Variants in TAOK3 observed in about 807,000 individuals in gnomAD.
The protein encoded by TAOK3 is TAO kinase 3.
Under a neutral mutation model 120.4 loss-of-function variants are expected in TAOK3, and 40 were observed. That is an observed-to-expected ratio of 0.33 (90% CI 0.26 to 0.43). The LOEUF is 0.43. TAOK3 is among the 20% of genes least tolerant of loss of function. The pLI, the probability that TAOK3 is intolerant of heterozygous loss-of-function variation, is 1.00. For synonymous variants in TAOK3, 355 were observed against 387.5 expected (o/e 0.92, Z 0.99); for missense variants, 821 against 1,112.1 (o/e 0.74, Z 3.72).
intron 20 of TAOK3, among the ~76,000 whole-genome samples, chr12:118,151,804 T>C (rs2034463846): frequency 6.6e-6 from 1 of 152,352 alleles, no homozygotes; most frequent in Non-Finnish European, 1.5e-5. Context: ...ATCATCATTT[T>C]AATTTTTTTT....
At chr12:118,277,710 C>G (rs1310703272) in intron 1 of TAOK3, among the ~76,000 whole-genome samples, 1 of 152,030 alleles carries the variant, frequency 6.6e-6, no homozygotes, top group Admixed American at 6.6e-5. Context: ...CCACCCACCC[C>G]GATCTCCCAA....
chr12:118,151,285 G>GCACACACA (rs1555282496), intron 20 of TAOK3, 127 bp from the exon 21 acceptor site: 3 of 612,444 alleles, frequency 4.9e-6, no homozygotes, highest in East Asian at 3.2e-5. Flanking sequence ...AAGTGCGCGC[G>GCACACACA]CGCGCACACA....
At chr12:118,370,292 A>G (rs2045861469) in intron 1 of TAOK3, among the ~76,000 whole-genome samples, 1 of 152,178 alleles carries the variant, frequency 6.6e-6, no homozygotes, top group Non-Finnish European at 1.5e-5. Flanking sequence ...TCTACTTATT[A>G]TTACCCTGAT....
intron 2 of TAOK3, among the ~76,000 whole-genome samples, chr12:118,263,073 G>A (rs1039778434): frequency 6.6e-6 from 1 of 152,054 alleles, no homozygotes; most frequent in African/African-American, 2.4e-5. Context: ...TGGAGAGCTA[G>A]CATAAAATAA....
chr12:118,303,528 G>A (rs1348920519), intron 1 of TAOK3, among the ~76,000 whole-genome samples: 2 of 152,120 alleles, frequency 1.3e-5, no homozygotes, highest in African/African-American at 4.8e-5. Context: ...CACTGTTTTC[G>A]CCATGTTAAC....
chr12:118,350,862 A>C (rs1471773501), intron 1 of TAOK3, among the ~76,000 whole-genome samples: 4 of 122,204 alleles, frequency 3.3e-5, no homozygotes, highest in Non-Finnish European at 6.2e-5. Context: ...CTCCGTCTCA[A>C]AAAAAAAAAA....
intron 1 of TAOK3, among the ~76,000 whole-genome samples, chr12:118,339,957 G>A (rs1215378899): frequency 1.3e-5 from 2 of 152,090 alleles, no homozygotes; most frequent in Non-Finnish European, 2.9e-5. Flanking sequence ...AATCTTGCAT[G>A]TTGTCAAATT....
At chr12:118,364,726 G>C (rs559765) in intron 1 of TAOK3, among the ~76,000 whole-genome samples, 211 of 152,106 alleles carry the variant, frequency 1.4e-3, no homozygotes, top group Non-Finnish European at 2.3e-3. Context: ...TGGCCAACAC[G>C]GTGAAATCCC....
intron 15 of TAOK3, among the ~76,000 whole-genome samples, chr12:118,178,062 T>A (rs1323273504): frequency 6.6e-6 from 1 of 152,042 alleles, no homozygotes; most frequent in African/African-American, 2.4e-5. Flanking sequence ...TCCTCCTGCC[T>A]CAGCCTCCTG....
In TAOK3 at chr12:118,369,024, G is replaced by A. The variant is rs1380424515; in HGVS notation, c.-194+3624C>T. The stretch of plus-strand genomic sequence containing the variant: ...AAATAGAAAAAAAAAAAAAAAAAAA[G>A]AAGAAGAAGAAGAAAAAGCCAGGCG... On this transcript the variant is annotated intron_variant, in intron 1 of 20. Coordinates refer to ENST00000392533, the MANE Select transcript of TAOK3 (RefSeq NM_016281.4). 7.2e-3 allele frequency among the ~76,000 whole-genome samples: 846 copies of A among 117,970 alleles called. 4 individuals are homozygous for A. The highest frequency in any genetic ancestry group is 0.024 in the African/African-American group (781 of 32,028). The allele number at this position is 117,970 out of a possible 152,430, so 77.4% of individuals were successfully genotyped here. A position where few individuals can be genotyped will look rare whatever the true frequency, so the allele number is the denominator to read the frequency against.
At chr12:118,309,032 T>C (rs1187320341) in intron 1 of TAOK3, among the ~76,000 whole-genome samples, 3 of 149,402 alleles carry the variant, frequency 2.0e-5, no homozygotes, top group African/African-American at 2.5e-5. Context: ...CTTTGAATTA[T>C]ATTATTTTAA....
Position 118,172,476 on chromosome 12 carries a change from T to G in TAOK3, c.1880A>C (p.Glu627Ala). The G allele has an allele frequency of 6.2e-7, 1 of 1,614,192 alleles. No individual in the cohort carries two copies. The highest frequency in any genetic ancestry group is 8.5e-7 in the Non-Finnish European group (1 of 1,180,018). Reference protein sequence around the residue: ...RKIMIKRHEVEQQNIREELNK... With the variant: ...RKIMIKRHEVAQQNIREELNK... ...AAATACCTCCCGAATGTTCTGCTGCTCCACCTCGTGCCGCTTGATCATTAT... is the reference window on the plus strand; with the variant it reads ...AAATACCTCCCGAATGTTCTGCTGCGCCACCTCGTGCCGCTTGATCATTAT... Residue 627 changes from glutamate (E) to alanine (A), a missense_variant, in exon 17 of 21, where the codon GAG becomes GCG. Around this residue, in one of 2 missense-constraint regions of TAOK3, gnomAD observed 354 missense variants for 572.1 expected, o/e 0.62. Coordinates refer to ENST00000392533, the MANE Select transcript of TAOK3 (RefSeq NM_016281.4).
chr12:118,260,130 A>C (rs1488365264), intron 2 of TAOK3, among the ~76,000 whole-genome samples: 1 of 152,014 alleles, frequency 6.6e-6, no homozygotes, highest in East Asian at 1.9e-4. Flanking sequence ...TTTTTATTTT[A>C]TCTATTTTTT....
At position 118,246,568 on chromosome 12, in the gene TAOK3, T is replaced by C. The variant is rs950421054; in HGVS notation, c.121-1603A>G. The C allele has an allele frequency of 1.4e-5, 22 of 1,565,126 alleles. No individual in the cohort carries two copies. The African/African-American group carries it at 1.5e-4, about 11-fold the overall frequency. ...GCCATCATCCTGGCCAAGCTCTCCATTGTCCCCGTGCGCAGAGGCTACTGG... is the reference window on the plus strand; with the variant it reads ...GCCATCATCCTGGCCAAGCTCTCCACTGTCCCCGTGCGCAGAGGCTACTGG... On this transcript the variant is annotated intron_variant, in intron 3 of 20. Coordinates refer to ENST00000392533, the MANE Select transcript of TAOK3 (RefSeq NM_016281.4).
intron 9 of TAOK3, among the ~76,000 whole-genome samples, chr12:118,215,625 A>G (rs918068950): frequency 6.6e-6 from 1 of 152,218 alleles, no homozygotes; most frequent in Non-Finnish European, 1.5e-5. Flanking sequence ...TAGGGGTGAC[A>G]GTAGAGAGAG....
chr12:118,264,583 T>C (rs988728114), intron 2 of TAOK3, among the ~76,000 whole-genome samples: 3 of 150,798 alleles, frequency 2.0e-5, no homozygotes, highest in Admixed American at 6.6e-5. Flanking sequence ...TAAAAAGGAG[T>C]AGGTAGGAGG....
chr12:118,336,525 G>C (rs964251511), intron 1 of TAOK3, among the ~76,000 whole-genome samples: 1 of 151,902 alleles, frequency 6.6e-6, no homozygotes, highest in Non-Finnish European at 1.5e-5. Context: ...AGAAAATTTG[G>C]GGGATCTAGG....
intron 1 of TAOK3, among the ~76,000 whole-genome samples, chr12:118,287,725 T>C (rs1423090733): frequency 6.6e-6 from 1 of 152,154 alleles, no homozygotes; most frequent in East Asian, 1.9e-4. Context: ...AGTTTAAAAA[T>C]CTTTTATTCA....
At chr12:118,368,417 C>T (rs567346913) in intron 1 of TAOK3, among the ~76,000 whole-genome samples, 1 of 151,962 alleles carries the variant, frequency 6.6e-6, no homozygotes, top group South Asian at 2.1e-4. Flanking sequence ...AGGCTGGTCT[C>T]GAATTCCTGA....
Sources: allele counts gnomAD v4.1 joint callset (sites outside exome capture counted in the v4.1 genomes callset), GRCh38; gene constraint gnomAD v4.1.1; regional missense constraint gnomAD v4.1.1; transcripts MANE v1.5; gene names NCBI Gene and HGNC (gene_info 2026-07-23, HGNC 2026-07-21).